Variants in PKHD1 observed in about 807,000 individuals in gnomAD.
PKHD1 encodes fibrocystin.
A neutral mutation model predicts 412.0 loss-of-function variants in PKHD1; 291 were observed. The ratio of observed to expected loss-of-function variants is 0.71; its 90% CI spans 0.64 to 0.78. The LOEUF is 0.78. Ranked by LOEUF, PKHD1 falls within the 30% of genes least tolerant of loss-of-function variation. The probability of loss-of-function intolerance (pLI) is 0.00; values close to 1 mark genes in which losing one functional copy is unlikely to be tolerated. For missense variants in PKHD1, 4,825 were observed against 4,950.7 expected (o/e 0.97, Z 0.76); for synonymous variants, 1,777 against 1,821.5 (o/e 0.98, Z 0.62).
At chr6:51,684,008 C>T (rs147092316) in intron 60 of PKHD1, among the ~76,000 whole-genome samples, 1 of 152,152 alleles carries the variant, frequency 6.6e-6, no homozygotes, top group African/African-American at 2.4e-5. Context: ...ATATACTCAA[C>T]CAGTGCCCGA....
intron 43 of PKHD1, among the ~76,000 whole-genome samples, chr6:51,898,240 C>T (rs1384251258): frequency 1.3e-5 from 2 of 150,894 alleles, no homozygotes; most frequent in Non-Finnish European, 3.0e-5. Flanking sequence ...CACACCTATT[C>T]CAAAATTGAC....
chr6:52,079,812 A>C, intron 5 of PKHD1, 88 bp downstream of exon 5: 1 of 802,492 alleles, frequency 1.2e-6, no homozygotes, highest in East Asian at 2.4e-5. Flanking sequence ...TCAAGCAGAC[A>C]CGCTGGCTCA....
chr6:51,720,291 T>C (rs1193737126), intron 60 of PKHD1, among the ~76,000 whole-genome samples: 1 of 152,012 alleles, frequency 6.6e-6, no homozygotes, highest in African/African-American at 2.4e-5. Flanking sequence ...GTTATATCAG[T>C]CTCCTCTGCA....
intron 52 of PKHD1, among the ~76,000 whole-genome samples, chr6:51,813,224 G>C (rs1764961447): frequency 6.6e-6 from 1 of 152,102 alleles, no homozygotes; most frequent in South Asian, 2.1e-4. Context: ...TTTATTAACA[G>C]AACTGCTCTC....
chr6:51,783,382 A>G (rs1425681040), intron 53 of PKHD1, among the ~76,000 whole-genome samples: 1 of 148,842 alleles, frequency 6.7e-6, no homozygotes. Context: ...TTATTATTTT[A>G]TAATATTTAA....
At chr6:51,691,750 C>A (rs1479316016) in intron 60 of PKHD1, among the ~76,000 whole-genome samples, 3 of 152,012 alleles carry the variant, frequency 2.0e-5, no homozygotes, top group Non-Finnish European at 4.4e-5. Flanking sequence ...TACAACAAAC[C>A]CCCATGACAT....
At chr6:51,968,878 A>G (rs1278602206) in intron 35 of PKHD1, among the ~76,000 whole-genome samples, 1 of 152,220 alleles carries the variant, frequency 6.6e-6, no homozygotes, top group Non-Finnish European at 1.5e-5. Flanking sequence ...TGTATGAAGC[A>G]GAATTCTGAG....
chr6:51,827,122 C>A (rs1240623352), intron 52 of PKHD1, among the ~76,000 whole-genome samples: 1 of 152,040 alleles, frequency 6.6e-6, no homozygotes, highest in East Asian at 1.9e-4. Context: ...CCATTAAAAT[C>A]GTATTATGTA....
chr6:52,028,058 C>G (rs920539083), intron 30 of PKHD1, 98 bp downstream of exon 30: 5 of 1,336,452 alleles, frequency 3.7e-6, no homozygotes, highest in Non-Finnish European at 5.4e-6. Flanking sequence ...CCTCTAACTT[C>G]CAAGGGAAAA....
At chr6:51,725,233 G>A (rs150517007) in intron 60 of PKHD1, among the ~76,000 whole-genome samples, 1 of 152,126 alleles carries the variant, frequency 6.6e-6, no homozygotes, top group Admixed American at 6.5e-5. Context: ...CCCCAGTGTG[G>A]GACCATGTAA....
intron 60 of PKHD1, among the ~76,000 whole-genome samples, chr6:51,700,217 CTT>C (rs369508034): frequency 5.7e-4 from 87 of 152,014 alleles, no homozygotes; most frequent in African/African-American, 1.9e-3. Flanking sequence ...GAACAAGAAA[CTT>C]TGATTCCAAG....
intron 35 of PKHD1, among the ~76,000 whole-genome samples, chr6:51,962,285 A>T (rs888469840): frequency 6.6e-6 from 1 of 152,152 alleles, no homozygotes; most frequent in Non-Finnish European, 1.5e-5. Context: ...ACACAGTAAA[A>T]TGATCGGGAA....
intron 37 of PKHD1, among the ~76,000 whole-genome samples, chr6:51,912,826 G>A (rs925169992): frequency 3.9e-5 from 6 of 151,984 alleles, no homozygotes; most frequent in Non-Finnish European, 5.9e-5. Context: ...GAATAGCAAC[G>A]TGTAAAAAGC....
intron 52 of PKHD1, among the ~76,000 whole-genome samples, chr6:51,807,023 G>C (rs991374272): frequency 3.3e-5 from 5 of 151,902 alleles, no homozygotes; most frequent in Admixed American, 6.6e-5. Flanking sequence ...TATGAACTTG[G>C]GACACACTTT....
chr6:51,635,872 GGGC>G (rs1298440829), intron 64 of PKHD1, among the ~76,000 whole-genome samples: 1,457 of 98,884 alleles, frequency 0.015, 48 homozygotes, highest in African/African-American at 0.047. Context: ...GGGGGGCGGG[GGGC>G]CGGGGGCGGA....
intron 35 of PKHD1, among the ~76,000 whole-genome samples, chr6:51,972,446 A>G (rs1427797746): frequency 6.6e-6 from 1 of 152,252 alleles, no homozygotes; most frequent in African/African-American, 2.4e-5. Flanking sequence ...CCACAAAATT[A>G]TCAATTGTAC....
chr6:51,896,684 GAGA>G (rs1432529781), intron 43 of PKHD1, among the ~76,000 whole-genome samples: 6 of 152,298 alleles, frequency 3.9e-5, no homozygotes, highest in South Asian at 4.1e-4. Context: ...GACGAGCTGA[GAGA>G]AGAAGGCTTC....
intron 33 of PKHD1, among the ~76,000 whole-genome samples, chr6:52,020,036 C>T (rs780378839): frequency 3.3e-5 from 5 of 152,134 alleles, no homozygotes; most frequent in Non-Finnish European, 7.3e-5. Context: ...GGGTCATTAT[C>T]TGTAACCTGG....
At chr6:51,697,318 T>C (rs1377445251) in intron 60 of PKHD1, among the ~76,000 whole-genome samples, 1 of 152,244 alleles carries the variant, frequency 6.6e-6, no homozygotes, top group African/African-American at 2.4e-5. Flanking sequence ...TAGATTAGCA[T>C]TTATTTGCAA....
Sources: gnomAD v4.1 joint callset for allele counts (sites outside exome capture counted in the v4.1 genomes callset) on GRCh38, gnomAD v4.1.1 for gene constraint, MANE v1.5 for transcripts, NCBI Gene and HGNC (gene_info 2026-07-23, HGNC 2026-07-21) for gene names.